RBPMS: variants seen among roughly 807,000 people sequenced by gnomAD.
RBPMS encodes the protein RNA binding protein, mRNA processing factor, also known as RNA-binding protein with multiple splicing.
In RBPMS, 7 loss-of-function variants were observed where a neutral mutation model predicts 26.8. The observed-to-expected ratio is 0.26, with a 90% CI of 0.15 to 0.49. The LOEUF is 0.49. Ranked by LOEUF, RBPMS falls within the 20% of genes least tolerant of loss-of-function variation. The probability of loss-of-function intolerance (pLI) is 0.98; values close to 1 mark genes in which losing one functional copy is unlikely to be tolerated. For missense variants in RBPMS, 186 were observed against 250.0 expected, an observed-to-expected ratio of 0.74 and a Z score of 1.73; for synonymous variants, 96 against 93.3, an observed-to-expected ratio of 1.03 and a Z score of -0.17.
At chr8:30,517,527 C>A (rs971475575) in intron 5 of RBPMS, among the ~76,000 whole-genome samples, 1 of 152,138 alleles carries the variant, frequency 6.6e-6, no homozygotes, top group African/African-American at 2.4e-5. Context: ...TCAAGGAGAT[C>A]AAACTGGTCA....
At chr8:30,451,629 T>C (rs10954995) in intron 1 of RBPMS, among the ~76,000 whole-genome samples, 32,039 of 152,160 alleles carry the variant, frequency 0.21, 3,707 homozygotes, top group East Asian at 0.32. Flanking sequence ...TCAGGGAAAC[T>C]GCCATTTTAC....
At chr8:30,530,066 CCT>C (rs1431983078) in intron 5 of RBPMS, among the ~76,000 whole-genome samples, 1 of 152,018 alleles carries the variant, frequency 6.6e-6, no homozygotes, top group Admixed American at 6.6e-5. Flanking sequence ...GAACTTCATC[CCT>C]TTTTGTGGCT....
intron 5 of RBPMS, among the ~76,000 whole-genome samples, chr8:30,540,716 A>G (rs1825298218): frequency 1.3e-5 from 2 of 152,218 alleles, no homozygotes; most frequent in South Asian, 4.1e-4. Flanking sequence ...GGTGTGAGCC[A>G]CTGCACGCAG....
intron 1 of RBPMS, among the ~76,000 whole-genome samples, chr8:30,425,821 C>G (rs751751618): frequency 6.6e-6 from 1 of 152,116 alleles, no homozygotes; most frequent in Non-Finnish European, 1.5e-5. Flanking sequence ...GTTCTCCTAA[C>G]AATCCTAGGA....
chr8:30,551,262 G>A (rs551856189), intron 6 of RBPMS, among the ~76,000 whole-genome samples: 1 of 152,300 alleles, frequency 6.6e-6, no homozygotes, highest in South Asian at 2.1e-4. Context: ...TTAGGGAGAC[G>A]TGTTCTTTTG....
intron 1 of RBPMS, among the ~76,000 whole-genome samples, chr8:30,386,674 A>T (rs185738580): frequency 4.9e-4 from 74 of 152,286 alleles, no homozygotes; most frequent in African/African-American, 1.8e-3. Context: ...ACTTAAAAAA[A>T]TTTAAAAATA....
chr8:30,469,417 A>C (rs980659137), intron 1 of RBPMS, among the ~76,000 whole-genome samples: 3 of 152,274 alleles, frequency 2.0e-5, no homozygotes, highest in Non-Finnish European at 4.4e-5. Context: ...TAGCCTCTGC[A>C]GGAATGCTGG....
chr8:30,425,009 G>A (rs1811195190), intron 1 of RBPMS, among the ~76,000 whole-genome samples: 1 of 152,122 alleles, frequency 6.6e-6, no homozygotes, highest in African/African-American at 2.4e-5. Flanking sequence ...AGGCTGGAGT[G>A]CAGTGGTACA....
At chr8:30,504,139 T>C (rs1210512938) in intron 4 of RBPMS, 147 bp from the exon 5 acceptor site, 2 of 738,166 alleles carry the variant, frequency 2.7e-6, no homozygotes, top group East Asian at 2.5e-5. Context: ...TCATTTTTCA[T>C]GTAACCTGTG....
chr8:30,410,728 TTTTTTG>T (rs1410407109), intron 1 of RBPMS, among the ~76,000 whole-genome samples: 1 of 151,594 alleles, frequency 6.6e-6, no homozygotes, highest in African/African-American at 2.4e-5. Context: ...CTTTTTTTTT[TTTTTTG>T]TTTGTTTTGT....
At chr8:30,473,225 TCTC>T (rs1290524475) in intron 1 of RBPMS, among the ~76,000 whole-genome samples, 2 of 152,170 alleles carry the variant, frequency 1.3e-5, no homozygotes, top group African/African-American at 2.4e-5. Context: ...GTTTTCTTCT[TCTC>T]CTACTTCACT....
chr8:30,520,953 G>T (rs1481729372), intron 5 of RBPMS, among the ~76,000 whole-genome samples: 1 of 152,064 alleles, frequency 6.6e-6, no homozygotes, highest in Non-Finnish European at 1.5e-5. Context: ...ATGAAATTAA[G>T]CTAAAAGTGG....
chr8:30,479,671 G>A (rs762494939), intron 4 of RBPMS, among the ~76,000 whole-genome samples: 2 of 152,144 alleles, frequency 1.3e-5, no homozygotes, highest in South Asian at 2.1e-4. Flanking sequence ...ATGGTGGTGC[G>A]TAGTGCTGCT....
intron 1 of RBPMS, among the ~76,000 whole-genome samples, chr8:30,439,571 A>G (rs1231286314): frequency 6.6e-6 from 1 of 151,722 alleles, no homozygotes; most frequent in Non-Finnish European, 1.5e-5. Context: ...AGGAGGAAAA[A>G]CTTCTTTCTT....
intron 7 of RBPMS, among the ~76,000 whole-genome samples, chr8:30,559,926 T>C (rs566278914): frequency 6.6e-6 from 1 of 152,336 alleles, no homozygotes; most frequent in South Asian, 2.1e-4. Flanking sequence ...TTTTGTACCA[T>C]TAATACTGAG....
intron 4 of RBPMS, among the ~76,000 whole-genome samples, chr8:30,500,205 A>G (rs1213494455): frequency 2.0e-5 from 3 of 152,080 alleles, no homozygotes; most frequent in Non-Finnish European, 4.4e-5. Context: ...CACCCCTACC[A>G]CTAAGTTGTC....
At chr8:30,546,810 A>C (rs925234937) in intron 6 of RBPMS, among the ~76,000 whole-genome samples, 2 of 152,226 alleles carry the variant, frequency 1.3e-5, no homozygotes, top group African/African-American at 4.8e-5. Flanking sequence ...GAGGCTTTAC[A>C]GATCAGCTGG....
intron 5 of RBPMS, among the ~76,000 whole-genome samples, chr8:30,522,116 A>G (rs1823112081): frequency 6.6e-6 from 1 of 151,800 alleles, no homozygotes; most frequent in African/African-American, 2.4e-5. Context: ...TGATTTAACC[A>G]TTCCACAGTG....
chr8:30,524,800 A>G (rs892853766), intron 5 of RBPMS, among the ~76,000 whole-genome samples: 11 of 152,202 alleles, frequency 7.2e-5, no homozygotes, highest in Non-Finnish European at 1.5e-4. Context: ...TTTTCAAAAT[A>G]AGCATTTGAT....
Sources: gnomAD v4.1 joint callset for allele counts (sites outside exome capture counted in the v4.1 genomes callset) on GRCh38, gnomAD v4.1.1 for gene constraint, MANE v1.5 for transcripts, NCBI Gene and HGNC (gene_info 2026-07-23, HGNC 2026-07-21) for gene names.